Variants in DLG2 observed in about 807,000 individuals in gnomAD.
DLG2 encodes the protein disks large homolog 2.
A neutral mutation model predicts 132.5 loss-of-function variants in DLG2; 45 were observed. The ratio of observed to expected loss-of-function variants is 0.34; its 90% CI spans 0.27 to 0.44. The LOEUF (loss-of-function observed/expected upper bound fraction) is 0.44, where lower values mean the gene tolerates loss of function less well. Ranked by LOEUF, DLG2 falls within the 20% of genes least tolerant of loss-of-function variation. The pLI is 1.00. For synonymous variants in DLG2, 424 were observed against 419.6 expected (o/e 1.01, Z -0.13); for missense variants, 1,045 against 1,196.9 (o/e 0.87, Z 1.87).
At chr11:84,426,967 T>G (rs1003477389) in intron 7 of DLG2, among the ~76,000 whole-genome samples, 2 of 152,138 alleles carry the variant, frequency 1.3e-5, no homozygotes, top group African/African-American at 4.8e-5. Context: ...CCTAGAACTC[T>G]CTCAGAGTCA....
In DLG2 at chr11:84,972,120, C is replaced by T. The variant is rs145379762; in HGVS notation, c.357+139541G>A. ...CACACACTGTTTTAAATTCTTATCA[C>T]CCTCTAATCAATCATTTTCTAAAAG... On this transcript the variant is annotated intron_variant, in intron 6 of 27. Transcript: ENST00000376104. 7.9e-5 allele frequency among the ~76,000 whole-genome samples: 12 copies of T among 152,130 alleles called. No homozygotes were observed. In the East Asian group the frequency reaches 2.3e-3, roughly 29 times the overall value.
intron 7 of DLG2, among the ~76,000 whole-genome samples, chr11:84,395,861 T>C (rs1567519601): frequency 1.3e-5 from 2 of 152,248 alleles, no homozygotes; most frequent in Admixed American, 1.3e-4. Flanking sequence ...GTCAAAGGGA[T>C]GGTTGGTCCA....
chr11:84,634,074 T>G (rs541635228), intron 6 of DLG2, among the ~76,000 whole-genome samples: 3 of 152,188 alleles, frequency 2.0e-5, no homozygotes, highest in Non-Finnish European at 4.4e-5. Context: ...CTATTTGCAC[T>G]TGAGGCATCT....
At chr11:84,048,579 G>T (rs2096286431) in intron 11 of DLG2, among the ~76,000 whole-genome samples, 1 of 151,582 alleles carries the variant, frequency 6.6e-6, no homozygotes, top group Non-Finnish European at 1.5e-5. Context: ...AGACATTTTT[G>T]CACATGCATT....
chr11:84,446,990 C>G (rs889170231), intron 7 of DLG2, among the ~76,000 whole-genome samples: 3 of 152,188 alleles, frequency 2.0e-5, no homozygotes, highest in Non-Finnish European at 4.4e-5. Context: ...ATTTAACTAG[C>G]CTGCAAATGA....
chr11:83,865,421 T>C (rs1179204399), intron 16 of DLG2, among the ~76,000 whole-genome samples: 1 of 149,256 alleles, frequency 6.7e-6, no homozygotes, highest in Non-Finnish European at 1.5e-5. Context: ...TATTGCACTA[T>C]GCAAACATAA....
At chr11:83,478,832 A>G (rs1196838785) in intron 22 of DLG2, among the ~76,000 whole-genome samples, 1 of 152,026 alleles carries the variant, frequency 6.6e-6, no homozygotes, top group Non-Finnish European at 1.5e-5. Flanking sequence ...AAAATAAGTT[A>G]TATTTTTCTA....
intron 6 of DLG2, among the ~76,000 whole-genome samples, chr11:84,791,548 A>T (rs962967377): frequency 3.2e-4 from 48 of 152,172 alleles, no homozygotes; most frequent in African/African-American, 1.1e-3. Context: ...ACATTTTAAC[A>T]ACATTGATTC....
At position 83,548,578 on chromosome 11, in the gene DLG2, CA is replaced by C. The variant is rs1417594956; in HGVS notation, c.1941-6721del. Reference sequence around the variant, plus strand: ...AACTACTCAGCAACAACAACAACAACAACCCACTGAGTGCCTGTTATTGGCC... The same window carrying C: ...AACTACTCAGCAACAACAACAACAACACCCACTGAGTGCCTGTTATTGGCC... On this transcript the variant is annotated intron_variant, in intron 19 of 27. Transcript: ENST00000376104. 6.6e-4 allele frequency among the ~76,000 whole-genome samples: 100 copies of C among 152,244 alleles called. No individual in the cohort carries two copies. The Middle Eastern group carries it at 0.01, about 16-fold the overall frequency.
intron 8 of DLG2, among the ~76,000 whole-genome samples, chr11:84,241,501 A>C (rs1197643149): frequency 6.6e-6 from 1 of 152,186 alleles, no homozygotes; most frequent in Non-Finnish European, 1.5e-5. Flanking sequence ...CGTGTTTAAC[A>C]ACATGTGCTT....
At chr11:83,504,103 G>C (rs904868730) in intron 21 of DLG2, among the ~76,000 whole-genome samples, 1 of 152,128 alleles carries the variant, frequency 6.6e-6, no homozygotes, top group African/African-American at 2.4e-5. Context: ...TCTTAGTACA[G>C]GTTACATGCA....
At chr11:85,444,164 A>C (rs1248845189) in intron 3 of DLG2, among the ~76,000 whole-genome samples, 2 of 152,194 alleles carry the variant, frequency 1.3e-5, no homozygotes, top group African/African-American at 4.8e-5. Flanking sequence ...TTTTAACTCC[A>C]ACTTAAAAAA....
chr11:83,790,152 G>T, intron 17 of DLG2: 1 of 858,952 alleles, frequency 1.2e-6, no homozygotes, highest in Admixed American at 2.2e-5. Context: ...CCAGGCAGCT[G>T]AGACCTTGAA....
intron 3 of DLG2, among the ~76,000 whole-genome samples, chr11:85,422,160 C>G (rs1482627829): frequency 1.3e-5 from 2 of 152,146 alleles, no homozygotes; most frequent in Non-Finnish European, 2.9e-5. Context: ...TAACAATGTG[C>G]CTAGGCAATA....
At chr11:83,616,954 T>G (rs1420045638) in intron 19 of DLG2, among the ~76,000 whole-genome samples, 1 of 152,214 alleles carries the variant, frequency 6.6e-6, no homozygotes, top group Non-Finnish European at 1.5e-5. Context: ...CAAGAGGTTG[T>G]ATGTGTGTGT....
chr11:83,530,615 A>G (rs1381184388), intron 21 of DLG2, among the ~76,000 whole-genome samples: 1 of 152,040 alleles, frequency 6.6e-6, no homozygotes, highest in Non-Finnish European at 1.5e-5. Context: ...GATTTAAAAA[A>G]TCTATACAAG....
At chr11:85,231,496 T>C (rs1240343862) in intron 4 of DLG2, among the ~76,000 whole-genome samples, 3 of 152,010 alleles carry the variant, frequency 2.0e-5, no homozygotes, top group African/African-American at 7.2e-5. Context: ...AACATATTTA[T>C]AATAGCATTT....
At chr11:84,772,714 T>C (rs900916316) in intron 6 of DLG2, among the ~76,000 whole-genome samples, 1 of 152,012 alleles carries the variant, frequency 6.6e-6, no homozygotes, top group African/African-American at 2.4e-5. Flanking sequence ...AATAATGAAA[T>C]TAAGGCAGAA....
chr11:84,338,169 G>A (rs1435453932), intron 7 of DLG2, among the ~76,000 whole-genome samples: 1 of 152,136 alleles, frequency 6.6e-6, no homozygotes, highest in African/African-American at 2.4e-5. Flanking sequence ...AATCTGTACA[G>A]TTCGAAGCCA....
Sources: allele counts gnomAD v4.1 joint callset (sites outside exome capture counted in the v4.1 genomes callset), GRCh38; gene constraint gnomAD v4.1.1; transcripts MANE v1.5; gene names NCBI Gene and HGNC (gene_info 2026-07-23, HGNC 2026-07-21).